CDKL4: variants seen among roughly 807,000 people sequenced by gnomAD.
CDKL4 encodes cyclin-dependent kinase-like 4.
Under a neutral mutation model 42.0 loss-of-function variants are expected in CDKL4, and 44 were observed. The ratio of observed to expected loss-of-function variants is 1.05; its 90% CI spans 0.82 to 1.35. CDKL4 has a LOEUF of 1.35. CDKL4 is among the 40% of genes most tolerant of loss of function. The pLI, the probability that CDKL4 is intolerant of heterozygous loss-of-function variation, is 0.00. For missense variants in CDKL4, 393 were observed against 369.9 expected (o/e 1.06, Z -0.51); for synonymous variants, 120 against 121.6 (o/e 0.99, Z 0.09).
chr2:39,170,296 GAAAGAAAAGA>G, the CDKL4 span, among the ~76,000 whole-genome samples: 10,500 of 135,238 alleles, frequency 0.078, 478 homozygotes, highest in South Asian at 0.16. Flanking sequence ...AAAAAAAAAA[GAAAGAAAAGA>G]AAAGAAAAGA....
At chr2:39,227,862 G>T (rs1043138704) in intron 2 of CDKL4, among the ~76,000 whole-genome samples, 5 of 152,176 alleles carry the variant, frequency 3.3e-5, no homozygotes, top group Admixed American at 3.3e-4. Context: ...CCTAGCCCAG[G>T]AAAACAGTAA....
chr2:39,194,293 C>T (rs549533422), intron 5 of CDKL4, among the ~76,000 whole-genome samples: 35 of 152,146 alleles, frequency 2.3e-4, no homozygotes, highest in African/African-American at 8.4e-4. Flanking sequence ...ACTGTGTCTA[C>T]CAAAAATACA....
At chr2:39,228,370 C>T (rs943238642) in intron 2 of CDKL4, among the ~76,000 whole-genome samples, 49 of 152,012 alleles carry the variant, frequency 3.2e-4, no homozygotes, top group African/African-American at 1.1e-3. Flanking sequence ...AAACAAAACC[C>T]TAGTGTGTAT....
intron 2 of CDKL4, among the ~76,000 whole-genome samples, chr2:39,227,859 C>G (rs1297444157): frequency 2.0e-5 from 3 of 152,126 alleles, no homozygotes; most frequent in Admixed American, 2.0e-4. Context: ...TAACCTAGCC[C>G]AGGAAAACAG....
At chr2:39,221,668 G>A (rs1023221597) in intron 3 of CDKL4, among the ~76,000 whole-genome samples, 1 of 152,192 alleles carries the variant, frequency 6.6e-6, no homozygotes, top group African/African-American at 2.4e-5. Flanking sequence ...AAGCACATTT[G>A]TAAAACTTAA....
chr2:39,244,039 T>C (rs1335918289), upstream of CDKL4, among the ~76,000 whole-genome samples: 1 of 152,200 alleles, frequency 6.6e-6, no homozygotes, highest in East Asian at 1.9e-4. Context: ...CGCGGGGCAC[T>C]GCGGCTTCCG....
In CDKL4 at chr2:39,181,697, G is replaced by T. The variant is rs578106192; in HGVS notation, c.793-2376C>A. 2.0e-5 allele frequency among the ~76,000 whole-genome samples: 3 copies of T among 152,328 alleles called. No homozygotes were observed. In the South Asian group the frequency reaches 6.2e-4, roughly 32 times the overall value. On this transcript the variant is annotated intron_variant, in intron 8 of 9. Transcript: ENST00000451199. ...TTGGTTTCCTTATAAGAAGAGGGAA[G>T]ATGGTGTAGACAGACACACAGAGTG...
chr2:39,212,803 G>A (rs1277751982), intron 4 of CDKL4, among the ~76,000 whole-genome samples: 1 of 151,972 alleles, frequency 6.6e-6, no homozygotes, highest in Non-Finnish European at 1.5e-5. Context: ...AGGATTACAG[G>A]TGCGCACCAC....
At chr2:39,238,083 T>C (rs1679462772) in intron 1 of CDKL4, among the ~76,000 whole-genome samples, 1 of 152,218 alleles carries the variant, frequency 6.6e-6, no homozygotes, top group South Asian at 2.1e-4. Flanking sequence ...AAAAATGCCA[T>C]GTTCATGGAT....
intron 1 of CDKL4, among the ~76,000 whole-genome samples, chr2:39,235,023 G>A (rs1185347320): frequency 1.3e-5 from 2 of 151,982 alleles, no homozygotes; most frequent in African/African-American, 4.8e-5. Context: ...CAAGTAGCTG[G>A]GACCACACCT....
At chr2:39,227,391 A>C (rs1290410046) in intron 2 of CDKL4, among the ~76,000 whole-genome samples, 1 of 152,204 alleles carries the variant, frequency 6.6e-6, no homozygotes, top group East Asian at 1.9e-4. Flanking sequence ...CTATTAACGT[A>C]AGCATGGCTT....
In CDKL4 at chr2:39,225,964, T is replaced by A. The variant is rs1377554809; in HGVS notation, c.169-4A>T. 6.2e-7 allele frequency: 1 copy of A among 1,606,672 alleles called. No individual in the cohort carries two copies. Among genetic ancestry groups the A allele is most frequent in the East Asian group, 2.3e-5 (1 of 44,250 alleles). Reference sequence around the variant, plus strand: ...CAAGATTTGGATGTTTTAATTGCTGTGAAAGAATTGAAATGCAAAGTTAAG... The same window carrying A: ...CAAGATTTGGATGTTTTAATTGCTGAGAAAGAATTGAAATGCAAAGTTAAG... On this transcript the variant is annotated splice_region_variant and splice_polypyrimidine_tract_variant and intron_variant, in intron 2 of 9. Coordinates refer to ENST00000451199, the Ensembl canonical transcript of CDKL4.
chr2:39,176,283 C>A (rs924886490), intron 9 of CDKL4, among the ~76,000 whole-genome samples, 187 bp from the exon 10 acceptor site: 1 of 152,116 alleles, frequency 6.6e-6, no homozygotes, highest in African/African-American at 2.4e-5. Flanking sequence ...AAATTAGGTT[C>A]TACTACTTAT....
intron 3 of CDKL4, among the ~76,000 whole-genome samples, chr2:39,223,265 T>C (rs1217694587): frequency 1.3e-5 from 2 of 152,158 alleles, no homozygotes; most frequent in African/African-American, 2.4e-5. Context: ...TGAACATTCA[T>C]ATGTATAACT....
At chr2:39,185,331 T>C (rs866530715) in intron 7 of CDKL4, among the ~76,000 whole-genome samples, 2 of 102,320 alleles carry the variant, frequency 2.0e-5, no homozygotes, top group African/African-American at 4.1e-5. Flanking sequence ...TATATACACA[T>C]ATGTATATAT....
intron 4 of CDKL4, among the ~76,000 whole-genome samples, chr2:39,209,414 C>T (rs1179438294): frequency 1.3e-5 from 2 of 151,944 alleles, no homozygotes; most frequent in Admixed American, 6.6e-5. Context: ...TTCATTATGG[C>T]GTTAAATGGA....
intron 5 of CDKL4, among the ~76,000 whole-genome samples, chr2:39,201,520 G>T (rs986563110): frequency 6.6e-6 from 1 of 151,888 alleles, no homozygotes; most frequent in African/African-American, 2.4e-5. Context: ...ATTTGCACAC[G>T]CATGTTTACA....
At chr2:39,236,170 A>C (rs1237173148) in intron 1 of CDKL4, among the ~76,000 whole-genome samples, 3 of 151,426 alleles carry the variant, frequency 2.0e-5, no homozygotes, top group Non-Finnish European at 4.4e-5. Flanking sequence ...AAAAAAAAAA[A>C]ACCAGAAATG....
At chr2:39,196,882 C>T (rs574521314) in intron 5 of CDKL4, among the ~76,000 whole-genome samples, 1 of 152,322 alleles carries the variant, frequency 6.6e-6, no homozygotes, top group South Asian at 2.1e-4. Flanking sequence ...GTTGGGATTA[C>T]AGGCGTAAGC....
Sources: allele counts gnomAD v4.1 joint callset (sites outside exome capture counted in the v4.1 genomes callset), GRCh38; gene constraint gnomAD v4.1.1; transcripts MANE v1.5; gene names NCBI Gene and HGNC (gene_info 2026-07-23, HGNC 2026-07-21).